The following TYW1 variants were observed in gnomAD, a reference collection of about 807,000 sequenced individuals.
TYW1 encodes S-adenosyl-L-methionine-dependent tRNA 4-demethylwyosine synthase TYW1.
In TYW1, 46 loss-of-function variants were observed where a neutral mutation model predicts 96.2. The observed-to-expected ratio is 0.48, with a 90% confidence interval of 0.38 to 0.61. The LOEUF (loss-of-function observed/expected upper bound fraction) is 0.61, where lower values mean the gene tolerates loss of function less well. Ranked by LOEUF, TYW1 falls within the 20% of genes least tolerant of loss-of-function variation. The pLI is 0.00. For missense variants in TYW1, 684 were observed against 909.6 expected, an observed-to-expected ratio of 0.75 and a Z score of 3.19; for synonymous variants, 274 against 323.0, an observed-to-expected ratio of 0.85 and a Z score of 1.63.
At chr7:67,145,641 A>G (rs1281555837) in intron 13 of TYW1, among the ~76,000 whole-genome samples, 2 of 152,112 alleles carry the variant, frequency 1.3e-5, no homozygotes, top group Non-Finnish European at 2.9e-5. Context: ...CTTTAAATGC[A>G]TTGGGTATAT....
intron 6 of TYW1, among the ~76,000 whole-genome samples, chr7:67,018,600 T>G (rs1794108079): frequency 1.3e-5 from 2 of 151,590 alleles, no homozygotes; most frequent in South Asian, 4.2e-4. Context: ...CATGTGGTGG[T>G]GTTTCAGAGA....
intron 15 of TYW1, among the ~76,000 whole-genome samples, chr7:67,206,772 A>G (rs895791814): frequency 2.0e-5 from 3 of 152,338 alleles, no homozygotes; most frequent in Admixed American, 6.5e-5. Flanking sequence ...CAATCCATAC[A>G]TAACCGAGGG....
At chr7:67,016,641 G>C (rs2129242479) in intron 5 of TYW1, among the ~76,000 whole-genome samples, 1 of 152,276 alleles carries the variant, frequency 6.6e-6, no homozygotes, top group South Asian at 2.1e-4. Context: ...AAACATTTTT[G>C]ATTATGTGTT....
intron 13 of TYW1, among the ~76,000 whole-genome samples, chr7:67,119,276 C>T (rs1797691289): frequency 6.6e-6 from 1 of 152,016 alleles, no homozygotes; most frequent in Non-Finnish European, 1.5e-5. Flanking sequence ...TGTTAGACAT[C>T]CCAGGCGTCA....
chr7:66,999,914 A>G (rs10261638), intron 3 of TYW1, among the ~76,000 whole-genome samples: 6,628 of 151,452 alleles, frequency 0.044, 251 homozygotes, highest in African/African-American at 0.098. Context: ...TCTGGCATGT[A>G]CTTTGATTTC....
chr7:67,015,612 C>T (rs1793988921), intron 5 of TYW1, among the ~76,000 whole-genome samples: 1 of 152,122 alleles, frequency 6.6e-6, no homozygotes, highest in African/African-American at 2.4e-5. Context: ...CTCAGCCTCC[C>T]AAATTTCTGG....
chr7:67,005,413 T>C (rs1422941051), intron 3 of TYW1, among the ~76,000 whole-genome samples: 1 of 152,148 alleles, frequency 6.6e-6, no homozygotes, highest in African/African-American at 2.4e-5. Context: ...CTGTGCAACA[T>C]GGCAAAACTC....
intron 7 of TYW1, among the ~76,000 whole-genome samples, chr7:67,038,760 C>T (rs1348765991): frequency 6.6e-6 from 1 of 151,838 alleles, no homozygotes; most frequent in Non-Finnish European, 1.5e-5. Flanking sequence ...AAAAATTAGC[C>T]GGGTATGGTG....
chr7:67,082,812 C>T (rs987086921), intron 10 of TYW1, among the ~76,000 whole-genome samples: 9 of 151,996 alleles, frequency 5.9e-5, no homozygotes, highest in African/African-American at 2.2e-4. Flanking sequence ...CTAGGTATAG[C>T]TTGGGTTATG....
intron 12 of TYW1, among the ~76,000 whole-genome samples, chr7:67,101,317 G>A (rs907655648): frequency 3.3e-5 from 5 of 152,110 alleles, no homozygotes; most frequent in African/African-American, 1.2e-4. Flanking sequence ...CTGGCTGCTT[G>A]TAGTTGGAAG....
chr7:67,238,181 G>C, intron 15 of TYW1, 127 bp from the exon 16 acceptor site: 3 of 1,394,430 alleles, frequency 2.2e-6, no homozygotes, highest in Non-Finnish European at 2.9e-6. Context: ...TTTTGTGTTT[G>C]TTTTTGTTTT....
At chr7:66,997,009 C>T in intron 1 of TYW1, 27 bp downstream of exon 1, 17 of 1,613,910 alleles carry the variant, frequency 1.1e-5, no homozygotes, top group Non-Finnish European at 1.4e-5. Context: ...GGCAAGGACC[C>T]TGGGGCGGCA....
intron 15 of TYW1, among the ~76,000 whole-genome samples, chr7:67,218,860 T>C (rs1801288723): frequency 6.6e-6 from 1 of 152,230 alleles, no homozygotes; most frequent in East Asian, 1.9e-4. Context: ...AAAAATTGTT[T>C]TACTTTTTCC....
At chr7:67,013,710 C>T (rs937544944) in intron 4 of TYW1, among the ~76,000 whole-genome samples, 7 of 150,050 alleles carry the variant, frequency 4.7e-5, no homozygotes, top group South Asian at 4.2e-4. Context: ...TAGTAGCCAC[C>T]GTGCCTGGCC....
chr7:67,239,420 A>G lies in TYW1; in HGVS notation c.*891A>G, dbSNP rs1045174. On this transcript the variant is annotated 3_prime_UTR_variant, in exon 16 of 16. Coordinates refer to ENST00000359626, the MANE Select transcript of TYW1 (RefSeq NM_018264.4). ...AGGTTCAGGTGTTTTCAAGTTGGAA[A>G]GATCATAAATACTCAAAATTGTTTT... 3 of 981,938 alleles carry G rather than the reference A, an allele frequency of 3.1e-6. No individual in the cohort carries two copies. The highest frequency in any genetic ancestry group is 9.4e-5 in the South Asian group (2 of 21,210). The allele number at this position is 981,938 out of a possible 1,614,324, so 60.8% of individuals were successfully genotyped here. A position where few individuals can be genotyped will look rare whatever the true frequency, so the allele number is the denominator to read the frequency against.
At chr7:67,185,259 A>G (rs1799984561) in intron 14 of TYW1, among the ~76,000 whole-genome samples, 1 of 151,870 alleles carries the variant, frequency 6.6e-6, no homozygotes, top group Non-Finnish European at 1.5e-5. Flanking sequence ...TGCACTAGGA[A>G]AGGGCGTGAA....
At chr7:67,127,811 A>G (rs980650534) in intron 13 of TYW1, among the ~76,000 whole-genome samples, 8 of 151,502 alleles carry the variant, frequency 5.3e-5, no homozygotes, top group African/African-American at 9.7e-5. Flanking sequence ...GTTGAAGGAC[A>G]TTTTCATAGG....
At chr7:67,096,060 C>T (rs1241767292) in intron 11 of TYW1, among the ~76,000 whole-genome samples, 2 of 152,184 alleles carry the variant, frequency 1.3e-5, no homozygotes, top group Admixed American at 6.5e-5. Flanking sequence ...CTTCAAGGTA[C>T]TTACCATTCA....
At chr7:67,153,199 T>TA (rs957552323) in intron 13 of TYW1, among the ~76,000 whole-genome samples, 2 of 152,312 alleles carry the variant, frequency 1.3e-5, no homozygotes, top group Middle Eastern at 3.4e-3. Flanking sequence ...CTCATGCCTG[T>TA]AATCCCGGCA....
Sources: allele counts gnomAD v4.1 joint callset (sites outside exome capture counted in the v4.1 genomes callset), GRCh38; gene constraint gnomAD v4.1.1; transcripts MANE v1.5; gene names NCBI Gene and HGNC (gene_info 2026-07-23, HGNC 2026-07-21).